PLEKHA4: variants seen among roughly 807,000 people sequenced by gnomAD.
PLEKHA4 encodes the protein pleckstrin homology domain containing A4, also known as pleckstrin homology domain-containing family A member 4.
A neutral mutation model predicts 94.7 loss-of-function variants in PLEKHA4; 73 were observed. The observed-to-expected ratio is 0.77, with a 90% CI of 0.64 to 0.94. PLEKHA4 has a LOEUF of 0.94. Ranked by LOEUF, PLEKHA4 falls within the 40% of genes least tolerant of loss-of-function variation. The probability of loss-of-function intolerance (pLI) is 0.00; values close to 1 mark genes in which losing one functional copy is unlikely to be tolerated. For synonymous variants in PLEKHA4, 449 were observed against 437.1 expected (o/e 1.03, Z -0.34); for missense variants, 1,049 against 1,054.1 (o/e 1.00, Z 0.07).
chr19:48,868,106 G>A lies in PLEKHA4; in HGVS notation c.-30C>T, dbSNP rs1233575893. Reference sequence around the variant, plus strand: ...ACCCAGCTCTGGGGTCCCAGTGACGGGGGGGCAAGAGGACGGTGTGGGTGC... The same window carrying A: ...ACCCAGCTCTGGGGTCCCAGTGACGAGGGGGCAAGAGGACGGTGTGGGTGC... On this transcript the variant is annotated 5_prime_UTR_variant, in exon 1 of 20. Coordinates refer to ENST00000263265, the MANE Select transcript of PLEKHA4 (RefSeq NM_020904.3). The A allele has an allele frequency of 6.2e-6, 1 of 162,304 alleles. No homozygotes were observed. Among genetic ancestry groups the A allele is most frequent in the East Asian group, 1.8e-4 (1 of 5,664 alleles). The allele number at this position is 162,304 out of a possible 1,614,324, so 10.1% of individuals were successfully genotyped here. A position where few individuals can be genotyped will look rare whatever the true frequency, so the allele number is the denominator to read the frequency against.
At chr19:48,839,928 C>T (rs1476374024) in intron 17 of PLEKHA4, among the ~76,000 whole-genome samples, 2 of 121,428 alleles carry the variant, frequency 1.6e-5, no homozygotes, top group South Asian at 2.4e-4. Flanking sequence ...GTGTAAACCC[C>T]GTCTCTACTA....
rs373359143 is a variant in PLEKHA4 at position 48,839,233 on chromosome 19, A to G, written c.1936T>C (p.Trp646Arg). 2.1e-5 allele frequency: 34 copies of G among 1,596,102 alleles called. No individual in the cohort carries two copies. In the African/African-American group the frequency reaches 4.0e-4, roughly 19 times the overall value. The change falls in exon 18 of 20, where the codon TGG becomes CGG. Residue 646 changes from tryptophan (W) to arginine (R), a missense_variant. Transcript: ENST00000263265. ...CTCCAGGACCCAGAGCTTCTGAGCC[A>G]TTTCTGGGCTCCCGAGTGTCCTACG... ...PVVGHSGAQK[W>R]LRSSGSWSSP...
At chr19:48,852,192 G>A in intron 13 of PLEKHA4, 36 bp downstream of exon 13, 2 of 1,497,072 alleles carry the variant, frequency 1.3e-6, no homozygotes, top group South Asian at 2.3e-5. Context: ...ACTTGGAGTT[G>A]GGGGTGGGTC....
chr19:48,844,939 C>G (rs2035911548), intron 16 of PLEKHA4, among the ~76,000 whole-genome samples: 1 of 151,590 alleles, frequency 6.6e-6, no homozygotes, highest in Non-Finnish European at 1.5e-5. Flanking sequence ...CTCAGCCTCC[C>G]GAGTGGCTGG....
intron 16 of PLEKHA4, among the ~76,000 whole-genome samples, chr19:48,843,761 G>A (rs914132702): frequency 2.0e-4 from 30 of 152,016 alleles, no homozygotes; most frequent in Non-Finnish European, 7.4e-5. Context: ...AGGTTCAAGC[G>A]ATTCTCCTGT....
chr19:48,845,621 G>A lies in PLEKHA4; in HGVS notation c.1567-5C>T, dbSNP rs201390061. 137 of 1,557,896 alleles carry A rather than the reference G, an allele frequency of 8.8e-5. No individual in the cohort carries two copies. The highest frequency in any genetic ancestry group is 3.6e-4 in the Middle Eastern group (2 of 5,624). ...TTCCAAGGACTCTGGCAGGCTCTGCGGGGATTAGAAAAGGGGGATAATGAT... is the reference window on the plus strand; with the variant it reads ...TTCCAAGGACTCTGGCAGGCTCTGCAGGGATTAGAAAAGGGGGATAATGAT... On this transcript the variant is annotated splice_region_variant and splice_polypyrimidine_tract_variant and intron_variant, in intron 14 of 19. Coordinates refer to ENST00000263265, the MANE Select transcript of PLEKHA4 (RefSeq NM_020904.3).
At chr19:48,854,288 G>A (rs777526969) in intron 9 of PLEKHA4, 24 bp from the exon 10 acceptor site, 2 of 1,608,042 alleles carry the variant, frequency 1.2e-6, no homozygotes, top group South Asian at 1.1e-5. Flanking sequence ...AAAAAGTCAG[G>A]GGTCAAAGGG....
rs2036291040 is a variant in PLEKHA4 at position 48,853,719 on chromosome 19, A to G, written c.1289T>C (p.Leu430Pro). 2 of 1,606,432 alleles carry G rather than the reference A, an allele frequency of 1.2e-6. No homozygotes were observed. Among genetic ancestry groups the G allele is most frequent in the Non-Finnish European group, 1.7e-6 (2 of 1,177,504 alleles). ...ACAGAGGGTGGCCCTCACACTGACC[A>G]GCCGGTCCTGCAAGAGGCGCTGGCG... The part of the protein sequence containing the change: ...WGRQRLLQDR[L>P]VSVRATLCHL... The change falls in exon 12 of 20, where the codon CTG becomes CCG. Residue 430 changes from leucine to proline, a missense_variant. Physicochemically the swap from Leu to Pro is moderately conservative, Grantham distance 98. Transcript: ENST00000263265.
chr19:48,840,230 C>T (rs141511404), intron 17 of PLEKHA4, among the ~76,000 whole-genome samples: 392 of 151,944 alleles, frequency 2.6e-3, no homozygotes, highest in Middle Eastern at 0.01. Context: ...GCCTGGCCAA[C>T]GTGGTAAAAA....
At chr19:48,849,861 A>G (rs1279063718) in intron 13 of PLEKHA4, among the ~76,000 whole-genome samples, 1 of 152,186 alleles carries the variant, frequency 6.6e-6, no homozygotes, top group East Asian at 1.9e-4. Context: ...GGCTTCAACA[A>G]GAGGAGAGAT....
At chr19:48,841,440 A>G (rs2035765083) in intron 16 of PLEKHA4, 130 bp from the exon 17 acceptor site, 1 of 974,484 alleles carries the variant, frequency 1.0e-6, no homozygotes, top group African/African-American at 1.7e-5. Flanking sequence ...CAGCCTGGCC[A>G]ACTTGGCGAA....
In PLEKHA4 at chr19:48,852,122, A is replaced by T. The variant is rs775336830; in HGVS notation, c.1425+106T>A. 9.6e-6 allele frequency: 8 copies of T among 832,426 alleles called. No homozygotes were observed. The Admixed American group carries it at 1.4e-4, about 14-fold the overall frequency. The allele number at this position is 832,426 out of a possible 1,614,324, so 51.6% of individuals were successfully genotyped here. ...AGGACAGAAAGGAGGCTAAGGGTCA[A>T]CTGGGCGGGGCCTCGATTCTGTGGG... On this transcript the variant is annotated intron_variant, in intron 13 of 19. Transcript: ENST00000263265.
At chr19:48,858,081 G>A (rs1225650063) in intron 8 of PLEKHA4, among the ~76,000 whole-genome samples, 1 of 152,034 alleles carries the variant, frequency 6.6e-6, no homozygotes. Flanking sequence ...GCCACTGTGG[G>A]GACACAGAGG....
intron 7 of PLEKHA4, 87 bp from the exon 8 acceptor site, chr19:48,859,226 G>A (rs998142704): frequency 9.1e-7 from 1 of 1,096,504 alleles, no homozygotes; most frequent in African/African-American, 1.6e-5. Flanking sequence ...TCAAGGACAT[G>A]TCTCACTTCA....
chr19:48,865,663 G>A, intron 2 of PLEKHA4, 53 bp from the exon 3 acceptor site: 1 of 1,306,750 alleles, frequency 7.7e-7, no homozygotes, highest in Non-Finnish European at 1.1e-6. Context: ...ATGGTCCTGG[G>A]AGGGGGTGAG....
At chr19:48,847,610 T>C (rs549402921) in intron 14 of PLEKHA4, among the ~76,000 whole-genome samples, 59 of 152,112 alleles carry the variant, frequency 3.9e-4, no homozygotes, top group Non-Finnish European at 4.4e-5. Context: ...TGGGCACCTG[T>C]AATCACAGCT....
intron 3 of PLEKHA4, among the ~76,000 whole-genome samples, chr19:48,865,110 G>C (rs374825357): frequency 2.6e-5 from 4 of 152,100 alleles, no homozygotes; most frequent in Non-Finnish European, 5.9e-5. Context: ...TTAGGGAGCC[G>C]AGGCGGGTGG....
intron 9 of PLEKHA4, among the ~76,000 whole-genome samples, chr19:48,856,661 T>G (rs953807889): frequency 6.6e-6 from 1 of 151,554 alleles, no homozygotes; most frequent in Non-Finnish European, 1.5e-5. Context: ...AAGGTTGCAG[T>G]GAACCGAGAT....
intron 18 of PLEKHA4, 41 bp from the exon 19 acceptor site, chr19:48,838,170 G>T: frequency 1.6e-6 from 2 of 1,215,492 alleles, no homozygotes; most frequent in Non-Finnish European, 2.4e-6. Context: ...GTGTGTACAT[G>T]GGGGAGAGGT....
Sources: gnomAD v4.1 joint callset for allele counts (sites outside exome capture counted in the v4.1 genomes callset) on GRCh38, gnomAD v4.1.1 for gene constraint, MANE v1.5 for transcripts, NCBI Gene and HGNC (gene_info 2026-07-23, HGNC 2026-07-21) for gene names.